Variants in ARPP21 observed in about 807,000 individuals in gnomAD.
ARPP21 encodes the protein cAMP-regulated phosphoprotein 21.
Under a neutral mutation model 113.2 loss-of-function variants are expected in ARPP21, and 69 were observed. That is an observed-to-expected ratio of 0.61 (90% CI 0.50 to 0.74). The LOEUF is 0.74. ARPP21 is among the 30% of genes least tolerant of loss of function. The pLI is 0.00. For missense variants in ARPP21, 1,070 were observed against 1,037.4 expected (o/e 1.03, Z -0.43); for synonymous variants, 368 against 375.5 (o/e 0.98, Z 0.23).
At chr3:35,707,837 A>G (rs2089745747) in intron 10 of ARPP21, among the ~76,000 whole-genome samples, 1 of 151,904 alleles carries the variant, frequency 6.6e-6, no homozygotes, top group Non-Finnish European at 1.5e-5. Context: ...ATTAGAAGAA[A>G]GCTAAGTAAA....
At chr3:35,679,144 G>C (rs1410630508) in intron 1 of ARPP21, among the ~76,000 whole-genome samples, 2 of 151,894 alleles carry the variant, frequency 1.3e-5, no homozygotes, top group Non-Finnish European at 2.9e-5. Flanking sequence ...ATCCCGATGG[G>C]GAGGGAGGGC....
intron 15 of ARPP21, among the ~76,000 whole-genome samples, chr3:35,730,303 C>T (rs897767688): frequency 1.3e-5 from 2 of 152,222 alleles, no homozygotes; most frequent in African/African-American, 4.8e-5. Context: ...TGCCAATTTG[C>T]AGGGGAAACT....
rs189160294 is a variant in ARPP21, at chr3:35,756,165, C to T, written c.2137+12200C>T. On this transcript the variant is annotated intron_variant, in intron 19 of 20. Coordinates refer to ENST00000684406, the MANE Select transcript of ARPP21 (RefSeq NM_001385562.1). ...CCCTCCAGCTCTGAAATACCAAGAG[C>T]GCTTCTGTCCAAATGAGTGGCACAT... Among the ~76,000 whole-genome samples, 36 of 152,152 alleles carry T rather than the reference C, an allele frequency of 2.4e-4. 2 individuals carry two copies. The East Asian group carries it at 5.2e-3, about 22-fold the overall frequency.
At chr3:35,649,095 A>G (rs567232077) in intron 1 of ARPP21, among the ~76,000 whole-genome samples, 27 of 152,288 alleles carry the variant, frequency 1.8e-4, no homozygotes, top group African/African-American at 6.5e-4. Context: ...CTTGGCTAGT[A>G]TAGTGCTTGC....
intron 19 of ARPP21, among the ~76,000 whole-genome samples, chr3:35,780,071 C>T (rs1247218141): frequency 1.3e-5 from 2 of 152,296 alleles, no homozygotes; most frequent in South Asian, 2.1e-4. Context: ...TCTGCACTGG[C>T]AAGGCTTTGG....
chr3:35,724,065 T>C (rs757200278), intron 14 of ARPP21, among the ~76,000 whole-genome samples: 9 of 152,220 alleles, frequency 5.9e-5, no homozygotes, highest in Non-Finnish European at 1.2e-4. Context: ...AGTTGTGACA[T>C]TTAAGTTACT....
At chr3:35,729,063 A>G (rs940461542) in intron 14 of ARPP21, among the ~76,000 whole-genome samples, 3 of 152,196 alleles carry the variant, frequency 2.0e-5, no homozygotes, top group Non-Finnish European at 4.4e-5. Context: ...AGGCTGAGAG[A>G]AAGTTCTCAT....
At chr3:35,757,523 T>C (rs2151212532) in intron 19 of ARPP21, among the ~76,000 whole-genome samples, 1 of 152,144 alleles carries the variant, frequency 6.6e-6, no homozygotes, top group African/African-American at 2.4e-5. Context: ...AGAAAAAAGC[T>C]CCAGCCTAGC....
At chr3:35,679,713 C>T (rs750717719) in intron 1 of ARPP21, 74 bp from the exon 2 acceptor site, 3 of 151,792 alleles carry the variant, frequency 2.0e-5, no homozygotes, top group African/African-American at 4.8e-5. Flanking sequence ...TTAGAAACCC[C>T]GTCTTATTTA....
chr3:35,730,193 T>C (rs2093850587), intron 15 of ARPP21, among the ~76,000 whole-genome samples: 1 of 152,230 alleles, frequency 6.6e-6, no homozygotes, highest in South Asian at 2.1e-4. Flanking sequence ...ATTGGTTCTT[T>C]AATTTTGCAT....
chr3:35,771,946 G>A (rs1330312167), intron 19 of ARPP21, among the ~76,000 whole-genome samples: 1 of 152,100 alleles, frequency 6.6e-6, no homozygotes, highest in Non-Finnish European at 1.5e-5. Flanking sequence ...TCATGTTAAT[G>A]TAGACTGACT....
intron 1 of ARPP21, among the ~76,000 whole-genome samples, chr3:35,673,027 A>G (rs2076718518): frequency 6.6e-6 from 1 of 152,092 alleles, no homozygotes; most frequent in Non-Finnish European, 1.5e-5. Context: ...AACTCAGTCA[A>G]AAAATACCAC....
intron 19 of ARPP21, among the ~76,000 whole-genome samples, chr3:35,748,193 AAGAG>A (rs1359614214): frequency 1.0e-4 from 11 of 106,538 alleles, no homozygotes; most frequent in Middle Eastern, 4.4e-3. Flanking sequence ...GAAAGAAAGA[AAGAG>A]AGAGAGAGGG....
intron 19 of ARPP21, among the ~76,000 whole-genome samples, chr3:35,780,471 G>A (rs1189370207): frequency 6.6e-6 from 1 of 152,080 alleles, no homozygotes; most frequent in Non-Finnish European, 1.5e-5. Context: ...GACACCTTTT[G>A]ATGAAAATAT....
At chr3:35,757,534 T>A (rs2095617123) in intron 19 of ARPP21, among the ~76,000 whole-genome samples, 1 of 152,122 alleles carries the variant, frequency 6.6e-6, no homozygotes, top group Non-Finnish European at 1.5e-5. Context: ...CCAGCCTAGC[T>A]GAAAATTGTA....
rs1388669402 is a variant in ARPP21, at chr3:35,794,403, T to C, written c.*445T>C. 5.6e-6 allele frequency: 1 copy of C among 178,200 alleles called. No individual in the cohort carries two copies. The highest frequency in any genetic ancestry group is 2.4e-5 in the African/African-American group (1 of 42,040). The allele number at this position is 178,200 out of a possible 1,614,324, so 11.0% of individuals were successfully genotyped here. ...TTATATACATTATAGAGTTTTCTTT[T>C]TTAATGGATATATACTGTATTGTAG... On this transcript the variant is annotated 3_prime_UTR_variant, in exon 21 of 21. Coordinates refer to ENST00000684406, the MANE Select transcript of ARPP21 (RefSeq NM_001385562.1).
intron 13 of ARPP21, among the ~76,000 whole-genome samples, chr3:35,721,222 A>G (rs893628161): frequency 6.6e-6 from 1 of 152,248 alleles, no homozygotes; most frequent in African/African-American, 2.4e-5. Flanking sequence ...GAATCATTTA[A>G]GATCACAATT....
intron 14 of ARPP21, among the ~76,000 whole-genome samples, chr3:35,728,061 C>A (rs2093664051): frequency 6.6e-6 from 1 of 151,588 alleles, no homozygotes; most frequent in Non-Finnish European, 1.5e-5. Flanking sequence ...TAAGGCCAAG[C>A]CCTCTTTGGT....
chr3:35,748,515 A>G (rs186801381), intron 19 of ARPP21, among the ~76,000 whole-genome samples: 60 of 152,192 alleles, frequency 3.9e-4, no homozygotes, highest in African/African-American at 1.3e-3. Flanking sequence ...AAGGAAGGAA[A>G]GAAAGAGGAA....
Sources: gnomAD v4.1 joint callset for allele counts (sites outside exome capture counted in the v4.1 genomes callset) on GRCh38, gnomAD v4.1.1 for gene constraint, MANE v1.5 for transcripts, NCBI Gene and HGNC (gene_info 2026-07-23, HGNC 2026-07-21) for gene names.